The following GPR63 variants were observed in gnomAD, a reference collection of about 807,000 sequenced individuals.
The protein encoded by GPR63 is probable G protein-coupled receptor 63.
GPR63 carries 12 observed loss-of-function variants against 23.1 expected under a neutral mutation model. That is an observed-to-expected ratio of 0.52 (90% CI 0.33 to 0.84). The LOEUF (loss-of-function observed/expected upper bound fraction) is 0.84, where lower values mean the gene tolerates loss of function less well. Among genes scored for constraint, GPR63 ranks in the 40% least tolerant of loss-of-function variants. The probability of loss-of-function intolerance (pLI) is 0.02; values close to 1 mark genes in which losing one functional copy is unlikely to be tolerated. For missense variants in GPR63, 472 were observed against 515.6 expected (o/e 0.92, Z 0.82); for synonymous variants, 172 against 191.1 (o/e 0.90, Z 0.82).
At chr6:96,811,657 T>G (rs1464155815) in intron 1 of GPR63, among the ~76,000 whole-genome samples, 2 of 152,108 alleles carry the variant, frequency 1.3e-5, no homozygotes, top group Admixed American at 1.3e-4. Flanking sequence ...GTATCACATA[T>G]AAATTTATAT....
At chr6:96,836,576 T>A (rs1470067944) in intron 1 of GPR63, among the ~76,000 whole-genome samples, 1 of 150,486 alleles carries the variant, frequency 6.6e-6, no homozygotes, top group Non-Finnish European at 1.5e-5. Context: ...CTGGGGGAAA[T>A]TTTCATAAAG....
chr6:96,804,723 A>G (rs1289611487), intron 1 of GPR63, among the ~76,000 whole-genome samples: 6 of 152,004 alleles, frequency 3.9e-5, no homozygotes, highest in Admixed American at 3.9e-4. Context: ...TTGGTTTATC[A>G]CTTAAATATA....
In GPR63 at chr6:96,794,701, C is replaced by T. The variant is rs889442553; in HGVS notation, c.*3771G>A. On this transcript the variant is annotated 3_prime_UTR_variant, in exon 2 of 2. Coordinates refer to ENST00000229955, the MANE Select transcript of GPR63 (RefSeq NM_030784.4). ...AATTAGATAAATCTTTACATTCTTC[C>T]GGGAATTACACACAATAAAGACAGC... 7 of 151,958 alleles carry T rather than the reference C, an allele frequency of 4.6e-5. No homozygotes were observed. Among genetic ancestry groups the T allele is most frequent in the East Asian group, 1.9e-4 (1 of 5,186 alleles). The allele number at this position is 151,958 out of a possible 1,614,324, so 9.4% of individuals were successfully genotyped here.
chr6:96,807,547 T>A (rs1773928587), intron 1 of GPR63, among the ~76,000 whole-genome samples: 1 of 152,212 alleles, frequency 6.6e-6, no homozygotes, highest in South Asian at 2.1e-4. Context: ...ATGTTTAGTA[T>A]CCTGTGCCTC....
Position 96,799,593 on chromosome 6 carries a change from T to C in GPR63, c.139A>G (p.Ser47Gly), listed in dbSNP as rs959059003. The change falls in exon 2 of 2, where the codon AGT becomes GGT. Residue 47 changes from serine to glycine, a missense_variant. Transcript: ENST00000229955. ...CCAGTGGGAGCCATGGTTTCAAAAC[T>C]ATATCTAAGCAATGGACTGAGGTCA... ...HPDLSPLLRY[S>G]FETMAPTGLS... 6.2e-7 allele frequency: 1 copy of C among 1,614,086 alleles called. No homozygotes were observed. The highest frequency in any genetic ancestry group is 8.5e-7 in the Non-Finnish European group (1 of 1,180,038).
rs530242989 is a variant in GPR63, at chr6:96,825,350, G to A, written c.-151+11918C>T. Among the ~76,000 whole-genome samples the A allele has an allele frequency of 3.8e-4, 58 of 152,038 alleles. 1 individual carries two copies. In the South Asian group the frequency reaches 7.3e-3, roughly 19 times the overall value. On this transcript the variant is annotated intron_variant, in intron 1 of 1. Transcript: ENST00000229955. ...AAATCAGACTTGAACATAGGGTCTGGGAGAAACAACATTCAGTGAAATGAT... is the reference window on the plus strand; with the variant it reads ...AAATCAGACTTGAACATAGGGTCTGAGAGAAACAACATTCAGTGAAATGAT...
At chr6:96,832,739 A>C (rs1323167048) in intron 1 of GPR63, among the ~76,000 whole-genome samples, 2 of 152,142 alleles carry the variant, frequency 1.3e-5, no homozygotes, top group African/African-American at 4.8e-5. Flanking sequence ...GCCCCTCAGC[A>C]CAAGTTTACC....
chr6:96,803,724 T>C (rs1489886401), intron 1 of GPR63, among the ~76,000 whole-genome samples: 1 of 152,254 alleles, frequency 6.6e-6, no homozygotes, highest in Admixed American at 6.5e-5. Flanking sequence ...TCACCTGAAG[T>C]TTCTTTGAAT....
chr6:96,831,399 C>G lies in GPR63; in HGVS notation c.-151+5869G>C, dbSNP rs1046561380. 3.3e-5 allele frequency among the ~76,000 whole-genome samples: 5 copies of G among 151,730 alleles called. 1 individual carries two copies. Among genetic ancestry groups the G allele is most frequent in the East Asian group, 3.9e-4 (2 of 5,156 alleles). On this transcript the variant is annotated intron_variant, in intron 1 of 1. Transcript: ENST00000229955. Reference sequence around the variant, plus strand: ...CTAGACAATCAGGTCTGGGTTCAAACCCTATCTGACTTGACTCTTTCATAT... The same window carrying G: ...CTAGACAATCAGGTCTGGGTTCAAAGCCTATCTGACTTGACTCTTTCATAT...
chr6:96,834,552 C>T (rs1774672425), intron 1 of GPR63, among the ~76,000 whole-genome samples: 1 of 149,518 alleles, frequency 6.7e-6, no homozygotes, highest in Admixed American at 6.7e-5. Context: ...CCTAAATATA[C>T]ATATGTCATA....
chr6:96,826,723 G>A (rs568383809), intron 1 of GPR63, among the ~76,000 whole-genome samples: 27 of 151,900 alleles, frequency 1.8e-4, no homozygotes, highest in African/African-American at 6.3e-4. Context: ...GACTTCATGG[G>A]GCCAATATTT....
At chr6:96,824,293 T>C (rs1001368940) in intron 1 of GPR63, among the ~76,000 whole-genome samples, 6 of 152,064 alleles carry the variant, frequency 3.9e-5, no homozygotes, top group Admixed American at 2.6e-4. Flanking sequence ...AAAATCAAAT[T>C]GCTGGCAAAC....
In GPR63 at chr6:96,794,434, T is replaced by A. The variant is rs1582236655; in HGVS notation, c.*4038A>T. Reference sequence around the variant, plus strand: ...GCAGGACTATAGTTGTGAAAATAAATCTGAATGTAGCCATTCTTTAAACTT... The same window carrying A: ...GCAGGACTATAGTTGTGAAAATAAAACTGAATGTAGCCATTCTTTAAACTT... On this transcript the variant is annotated 3_prime_UTR_variant, in exon 2 of 2. Transcript: ENST00000229955. 6.6e-6 allele frequency: 1 copy of A among 152,294 alleles called. No homozygotes were observed. The highest frequency in any genetic ancestry group is 1.9e-4 in the East Asian group (1 of 5,192). 9.4% of individuals were successfully genotyped at this position (152,294 alleles called of 1,614,324 possible). A position where few individuals can be genotyped will look rare whatever the true frequency, so the allele number is the denominator to read the frequency against.
rs118106616 is a variant in GPR63, at chr6:96,799,154, T to A, written c.578A>T (p.Tyr193Phe). 1.7e-3 allele frequency: 2,823 copies of A among 1,614,156 alleles called. 30 individuals carry two copies. In the East Asian group the frequency reaches 0.027, roughly 15 times the overall value. The change falls in exon 2 of 2, where the codon TAT (tyrosine) becomes TTT (phenylalanine). Residue 193 changes from tyrosine (Y) to phenylalanine (F), a missense_variant. Physicochemically the swap from Tyr to Phe is conservative, Grantham distance 22 (BLOSUM62 3). Coordinates refer to ENST00000229955, the MANE Select transcript of GPR63 (RefSeq NM_030784.4). ...AACTGCAATCAGAACCTTAGCTCTA[T>A]ATGGGTTTAGCTTATCCTGCCTCTG... ...IVQRQDKLNPYRAKVLIAVSW... is the reference protein window; with the variant it reads ...IVQRQDKLNPFRAKVLIAVSW...
At chr6:96,807,287 T>A (rs1024369920) in intron 1 of GPR63, among the ~76,000 whole-genome samples, 1 of 152,224 alleles carries the variant, frequency 6.6e-6, no homozygotes, top group Non-Finnish European at 1.5e-5. Flanking sequence ...AGATTATACA[T>A]GTGCTCAGCA....
intron 1 of GPR63, among the ~76,000 whole-genome samples, chr6:96,825,477 T>C (rs1394209568): frequency 6.6e-6 from 1 of 152,042 alleles, no homozygotes; most frequent in Non-Finnish European, 1.5e-5. Flanking sequence ...ATATGGAGTG[T>C]CTTCTACCTA....
chr6:96,801,080 T>C (rs1416309457), intron 1 of GPR63, among the ~76,000 whole-genome samples: 1 of 152,182 alleles, frequency 6.6e-6, no homozygotes, highest in Non-Finnish European at 1.5e-5. Flanking sequence ...TCTTTATAGT[T>C]AGAAAGAAGT....
At chr6:96,801,254 A>G (rs1773757665) in intron 1 of GPR63, among the ~76,000 whole-genome samples, 1 of 148,956 alleles carries the variant, frequency 6.7e-6, no homozygotes, top group Non-Finnish European at 1.5e-5. Context: ...CTTGTTGCCC[A>G]GATGGTGCGA....
intron 1 of GPR63, among the ~76,000 whole-genome samples, chr6:96,814,775 T>C (rs921445444): frequency 6.6e-6 from 1 of 151,960 alleles, no homozygotes; most frequent in Non-Finnish European, 1.5e-5. Context: ...AGAACACCAT[T>C]CCCTGAGGGC....
Sources: gnomAD v4.1 joint callset for allele counts (sites outside exome capture counted in the v4.1 genomes callset) on GRCh38, gnomAD v4.1.1 for gene constraint, MANE v1.5 for transcripts, NCBI Gene and HGNC (gene_info 2026-07-23, HGNC 2026-07-21) for gene names.